PUS7: variants seen among roughly 807,000 people sequenced by gnomAD.
PUS7 encodes the protein pseudouridylate synthase 7 homolog.
In PUS7, 48 loss-of-function variants were observed where a neutral mutation model predicts 79.8. That is an observed-to-expected ratio of 0.60 (90% confidence interval 0.48 to 0.76). The LOEUF (loss-of-function observed/expected upper bound fraction) is 0.76, where lower values mean the gene tolerates loss of function less well. Ranked by LOEUF, PUS7 falls within the 30% of genes least tolerant of loss-of-function variation. The pLI is 0.00. For synonymous variants in PUS7, 286 were observed against 272.2 expected (o/e 1.05, Z -0.50); for missense variants, 729 against 797.6 (o/e 0.91, Z 1.04).
intron 4 of PUS7, 150 bp from the exon 5 acceptor site, chr7:105,502,714 A>AT (rs1418784652): frequency 4.3e-6 from 4 of 939,214 alleles, no homozygotes; most frequent in Non-Finnish European, 6.2e-6. Context: ...TTTTATTTTT[A>AT]TTTTTTTGAC....
intron 4 of PUS7, among the ~76,000 whole-genome samples, chr7:105,505,250 ACCTT>A: frequency 6.6e-6 from 1 of 152,196 alleles, no homozygotes; most frequent in South Asian, 2.1e-4. Context: ...TGATCCGCCC[ACCTT>A]GGCCTCCCAA....
intron 4 of PUS7, 114 bp downstream of exon 4, chr7:105,505,841 G>C (rs1456452485): frequency 8.2e-6 from 7 of 851,576 alleles, no homozygotes; most frequent in Non-Finnish European, 1.3e-5. Flanking sequence ...AGATCCAATA[G>C]AGCAAAAAGT....
chr7:105,516,520 C>G (rs1425147963), intron 1 of PUS7, among the ~76,000 whole-genome samples: 1 of 151,492 alleles, frequency 6.6e-6, no homozygotes, highest in African/African-American at 2.4e-5. Context: ...CTTGGCTGAT[C>G]TCGGCTCACA....
chr7:105,501,281 T>C (rs1825236483), intron 5 of PUS7, among the ~76,000 whole-genome samples: 1 of 152,192 alleles, frequency 6.6e-6, no homozygotes, highest in Non-Finnish European at 1.5e-5. Context: ...GCCCCAAATA[T>C]ATCTAGGAAT....
At chr7:105,475,683 G>C (rs1041900647) in intron 9 of PUS7, among the ~76,000 whole-genome samples, 1 of 151,914 alleles carries the variant, frequency 6.6e-6, no homozygotes, top group Non-Finnish European at 1.5e-5. Flanking sequence ...TTTTATTGTG[G>C]TAAAATACAT....
rs772282094 is a variant in PUS7 at position 105,470,738 on chromosome 7, G to A, written c.1348C>T (p.Arg450Ter). Residue 450 changes from arginine (R) to a stop codon, truncating the protein, a stop_gained, in exon 11 of 16, where the codon CGA becomes TGA. Coordinates refer to ENST00000469408, the MANE Select transcript of PUS7 (RefSeq NM_019042.5). LOFTEE classifies it high-confidence loss of function. ...VKRCVEGQLL[R>*]GLSKYGMKNI... is the part of the protein sequence containing the mutation. ...TTCATTCCATATTTTGAAAGTCCTCGAAGCAGCTGCCCTTCCACACACCTT... is the reference window on the plus strand; with the variant it reads ...TTCATTCCATATTTTGAAAGTCCTCAAAGCAGCTGCCCTTCCACACACCTT... 3.1e-6 allele frequency: 5 copies of A among 1,610,876 alleles called. No homozygotes were observed. The highest frequency in any genetic ancestry group is 2.2e-5 in the East Asian group (1 of 44,834).
intron 5 of PUS7, among the ~76,000 whole-genome samples, chr7:105,500,731 C>G (rs972234177): frequency 6.6e-5 from 10 of 152,212 alleles, no homozygotes; most frequent in African/African-American, 2.4e-4. Context: ...TCCTCTCCAT[C>G]TACAGTAGTT....
intron 9 of PUS7, among the ~76,000 whole-genome samples, chr7:105,472,534 C>T (rs1028657830): frequency 6.6e-6 from 1 of 152,042 alleles, no homozygotes; most frequent in African/African-American, 2.4e-5. Flanking sequence ...TACACCTGGT[C>T]CTACATCATC....
At chr7:105,480,288 A>T (rs190320965) in intron 9 of PUS7, among the ~76,000 whole-genome samples, 1 of 151,706 alleles carries the variant, frequency 6.6e-6, no homozygotes, top group Admixed American at 6.6e-5. Flanking sequence ...CCTGGCCAAC[A>T]TGGTGAAATT....
chr7:105,518,441 C>T (rs1825977349), intron 1 of PUS7, among the ~76,000 whole-genome samples: 1 of 152,032 alleles, frequency 6.6e-6, no homozygotes, highest in Non-Finnish European at 1.5e-5. Context: ...CTCACTCTGT[C>T]ACCCAGGCTG....
chr7:105,489,075 G>A (rs1824672477), intron 7 of PUS7, among the ~76,000 whole-genome samples: 1 of 148,570 alleles, frequency 6.7e-6, no homozygotes, highest in Admixed American at 6.8e-5. Flanking sequence ...GTGAACCCAG[G>A]AGGCGGAGCT....
chr7:105,459,135 G>T, intron 15 of PUS7, 33 bp downstream of exon 15: 1 of 1,373,394 alleles, frequency 7.3e-7, no homozygotes, highest in Non-Finnish European at 1.0e-6. Context: ...ACATTTCAAA[G>T]TCAACACAGA....
chr7:105,465,359 C>G lies in PUS7; in HGVS notation c.1581G>C (p.Val527=). 1 of 1,613,764 alleles carries G rather than the reference C, an allele frequency of 6.2e-7. No individual in the cohort carries two copies. Among genetic ancestry groups the G allele is most frequent in the Non-Finnish European group, 8.5e-7 (1 of 1,179,772 alleles). The change falls in exon 13 of 16, where the codon GTG becomes GTC. Residue 527 remains valine (V), a synonymous_variant. Transcript: ENST00000469408. The part of the protein sequence containing the change: ...DDVNNYSIHD[V]VMPLPGFDVI... The stretch of plus-strand genomic sequence containing the variant: ...CATCGAAACCAGGCAAGGGCATTAC[C>G]ACATCATGGATAGAGTAATTATTAA...
intron 13 of PUS7, among the ~76,000 whole-genome samples, chr7:105,465,083 T>C (rs1823583645): frequency 1.3e-5 from 2 of 152,310 alleles, no homozygotes; most frequent in East Asian, 1.9e-4. Context: ...CCTCCCAAAA[T>C]GTTGGGATTG....
chr7:105,463,863 T>C (rs1436193356), intron 13 of PUS7, among the ~76,000 whole-genome samples: 4 of 152,252 alleles, frequency 2.6e-5, no homozygotes, highest in Admixed American at 6.5e-5. Flanking sequence ...TTCTTAAATA[T>C]GTATTTTTCA....
Position 105,502,499 on chromosome 7 carries a change from T to C in PUS7, c.651A>G (p.Gly217=). ...CCCTATCCTCTGTTTTTGTCTCTAATCCTGGAAACAGAGATTTGATAGCCT... is the reference window on the plus strand; with the variant it reads ...CCCTATCCTCTGTTTTTGTCTCTAACCCTGGAAACAGAGATTTGATAGCCT... ...IHQAIKSLFP[G]LETKTEDREG... is the part of the protein sequence containing the mutation. The change falls in exon 5 of 16, where the codon GGA becomes GGG. Residue 217 remains glycine (G), a synonymous_variant. Transcript: ENST00000469408. The C allele has an allele frequency of 6.2e-7, 1 of 1,614,052 alleles. No homozygotes were observed. Among genetic ancestry groups the C allele is most frequent in the Non-Finnish European group, 8.5e-7 (1 of 1,179,932 alleles).
intron 1 of PUS7, among the ~76,000 whole-genome samples, chr7:105,521,236 G>A (rs546425367): frequency 2.7e-5 from 4 of 147,282 alleles, no homozygotes; most frequent in Admixed American, 6.8e-5. Flanking sequence ...TTGGGGATGG[G>A]GGGGAGGGAA....
At chr7:105,496,302 GT>G (rs1210891595) in intron 5 of PUS7, among the ~76,000 whole-genome samples, 63 of 143,988 alleles carry the variant, frequency 4.4e-4, no homozygotes, top group Middle Eastern at 3.6e-3. Flanking sequence ...TGCTCAAAAT[GT>G]TTTTTTTTAA....
At chr7:105,469,841 C>T (rs1235452390) in intron 11 of PUS7, among the ~76,000 whole-genome samples, 2 of 152,220 alleles carry the variant, frequency 1.3e-5, no homozygotes, top group Non-Finnish European at 2.9e-5. Flanking sequence ...GATCTGCCCA[C>T]CTTGGCCTCC....
Sources: gnomAD v4.1 joint callset for allele counts (sites outside exome capture counted in the v4.1 genomes callset) on GRCh38, gnomAD v4.1.1 for gene constraint, MANE v1.5 for transcripts, NCBI Gene and HGNC (gene_info 2026-07-23, HGNC 2026-07-21) for gene names.